LINGO2: variants seen among roughly 807,000 people sequenced by gnomAD.
LINGO2 encodes leucine rich repeat and Ig domain containing 2.
Under a neutral mutation model 30.6 loss-of-function variants are expected in LINGO2, and 14 were observed. That is an observed-to-expected ratio of 0.46 (90% CI 0.30 to 0.72). The LOEUF (loss-of-function observed/expected upper bound fraction) is 0.72, where lower values mean the gene tolerates loss of function less well. Ranked by LOEUF, LINGO2 falls within the 30% of genes least tolerant of loss-of-function variation. The pLI, the probability that LINGO2 is intolerant of heterozygous loss-of-function variation, is 0.07. For synonymous variants in LINGO2, 317 were observed against 288.5 expected (o/e 1.10, Z -1.00); for missense variants, 729 against 751.7 (o/e 0.97, Z 0.35).
At chr9:28,418,196 T>C (rs960364670) in intron 2 of LINGO2, among the ~76,000 whole-genome samples, 1 of 152,062 alleles carries the variant, frequency 6.6e-6, no homozygotes, top group African/African-American at 2.4e-5. Context: ...CACTGAATAT[T>C]TAAGAATCCA....
the LINGO2 span, among the ~76,000 whole-genome samples, chr9:29,059,658 A>T: frequency 6.6e-6 from 1 of 151,992 alleles, no homozygotes; most frequent in Non-Finnish European, 1.5e-5. Flanking sequence ...ACAAATTTAC[A>T]TCTATATGGA....
intron 2 of LINGO2, among the ~76,000 whole-genome samples, chr9:28,422,143 AGAAAT>A (rs1823221904): frequency 1.3e-5 from 2 of 152,094 alleles, no homozygotes; most frequent in Non-Finnish European, 1.5e-5. Context: ...AGACAAGAAA[AGAAAT>A]GAAATAAAAA....
chr9:28,107,435 T>C (rs1826628394), intron 4 of LINGO2, among the ~76,000 whole-genome samples: 1 of 152,164 alleles, frequency 6.6e-6, no homozygotes, highest in Non-Finnish European at 1.5e-5. Context: ...CTCTTGTAGC[T>C]CAATTATTGG....
intron 1 of LINGO2, among the ~76,000 whole-genome samples, chr9:28,612,047 G>C (rs1825942410): frequency 1.3e-5 from 2 of 151,922 alleles, no homozygotes; most frequent in Admixed American, 6.6e-5. Context: ...GGGATTACAG[G>C]TGTGAGCCAC....
the LINGO2 span, among the ~76,000 whole-genome samples, chr9:29,076,903 G>A: frequency 1.3e-5 from 2 of 151,860 alleles, no homozygotes; most frequent in Non-Finnish European, 2.9e-5. Flanking sequence ...GTTTGGTTAA[G>A]AATTAAAATA....
chr9:28,193,497 A>C (rs1354822242), intron 4 of LINGO2, among the ~76,000 whole-genome samples: 1 of 152,188 alleles, frequency 6.6e-6, no homozygotes, highest in Non-Finnish European at 1.5e-5. Flanking sequence ...TAACTACATC[A>C]AGACTCATAA....
intron 3 of LINGO2, among the ~76,000 whole-genome samples, chr9:28,361,297 T>A (rs560967451): frequency 1.9e-4 from 29 of 152,336 alleles, no homozygotes; most frequent in African/African-American, 6.0e-4. Context: ...TTCATCTTAC[T>A]TGCCTAATTT....
At chr9:28,286,873 C>A (rs1340951605) in intron 4 of LINGO2, among the ~76,000 whole-genome samples, 1 of 152,104 alleles carries the variant, frequency 6.6e-6, no homozygotes, top group Non-Finnish European at 1.5e-5. Flanking sequence ...AGACTTAACA[C>A]CTGGACGATT....
the LINGO2 span, among the ~76,000 whole-genome samples, chr9:28,755,741 A>G: frequency 1.3e-5 from 2 of 152,108 alleles, no homozygotes; most frequent in Admixed American, 6.5e-5. Flanking sequence ...TTTCAACAGA[A>G]GAAAACGGAG....
At chr9:28,227,928 T>C (rs1044369654) in intron 4 of LINGO2, among the ~76,000 whole-genome samples, 4 of 152,110 alleles carry the variant, frequency 2.6e-5, no homozygotes, top group Non-Finnish European at 5.9e-5. Flanking sequence ...CTTTGATGAA[T>C]AATACACTAT....
intron 5 of LINGO2, among the ~76,000 whole-genome samples, chr9:27,995,533 A>G (rs889482146): frequency 1.3e-5 from 2 of 152,170 alleles, no homozygotes; most frequent in Non-Finnish European, 1.5e-5. Context: ...AGCAGTCTCT[A>G]TCATCAGGTG....
At chr9:28,076,950 C>T (rs984267443) in intron 4 of LINGO2, among the ~76,000 whole-genome samples, 25 of 151,956 alleles carry the variant, frequency 1.6e-4, no homozygotes, top group Admixed American at 4.6e-4. Context: ...TGGTTTCCAA[C>T]AAAAGACATT....
intron 2 of LINGO2, among the ~76,000 whole-genome samples, chr9:28,441,013 C>T (rs1203980401): frequency 5.3e-5 from 8 of 152,014 alleles, no homozygotes; most frequent in African/African-American, 1.4e-4. Context: ...AAGGGTGGGG[C>T]GTAATGAGAG....
the LINGO2 span, among the ~76,000 whole-genome samples, chr9:29,173,201 G>C: frequency 6.6e-6 from 1 of 152,030 alleles, no homozygotes; most frequent in Admixed American, 6.6e-5. Context: ...GATTGGAATA[G>C]AGTGTCCTGA....
At chr9:28,025,466 A>T (rs1411455021) in intron 4 of LINGO2, among the ~76,000 whole-genome samples, 1 of 152,222 alleles carries the variant, frequency 6.6e-6, no homozygotes, top group Admixed American at 6.5e-5. Context: ...CAGCTAAAAG[A>T]AGCCTGACTT....
chr9:29,091,660 T>G, the LINGO2 span, among the ~76,000 whole-genome samples: 4 of 152,000 alleles, frequency 2.6e-5, no homozygotes, highest in Non-Finnish European at 5.9e-5. Flanking sequence ...TTGGATAATG[T>G]CTATCTCGTC....
the LINGO2 span, among the ~76,000 whole-genome samples, chr9:28,995,026 A>C: frequency 1.4e-4 from 21 of 152,106 alleles, no homozygotes; most frequent in African/African-American, 3.1e-4. Flanking sequence ...AATGGGATCT[A>C]ATTAAACTAA....
At chr9:29,021,518 G>A in the LINGO2 span, among the ~76,000 whole-genome samples, 9 of 152,026 alleles carry the variant, frequency 5.9e-5, no homozygotes, top group Non-Finnish European at 1.2e-4. Context: ...ATGGCCAGAC[G>A]TGGTGGTGGG....
At chr9:28,334,280 G>A (rs1309708408) in intron 3 of LINGO2, among the ~76,000 whole-genome samples, 1 of 152,114 alleles carries the variant, frequency 6.6e-6, no homozygotes, top group African/African-American at 2.4e-5. Flanking sequence ...AACTCTATTT[G>A]TAAATCCTGT....
Sources: gnomAD v4.1 joint callset for allele counts (sites outside exome capture counted in the v4.1 genomes callset) on GRCh38, gnomAD v4.1.1 for gene constraint, MANE v1.5 for transcripts, NCBI Gene and HGNC (gene_info 2026-07-23, HGNC 2026-07-21) for gene names.